Variants in GPC5 observed in about 807,000 individuals in gnomAD.
GPC5 encodes glypican-5.
Under a neutral mutation model 53.9 loss-of-function variants are expected in GPC5, and 47 were observed. The ratio of observed to expected loss-of-function variants is 0.87; its 90% confidence interval spans 0.69 to 1.11. The LOEUF (loss-of-function observed/expected upper bound fraction) is 1.11. Ranked by LOEUF, GPC5 falls within the 50% of genes most tolerant of loss-of-function variation. The probability of loss-of-function intolerance (pLI) is 0.00; values close to 1 mark genes in which losing one functional copy is unlikely to be tolerated. For missense variants in GPC5, 748 were observed against 713.1 expected (o/e 1.05, Z -0.56); for synonymous variants, 286 against 263.3 (o/e 1.09, Z -0.84).
At chr13:91,606,421 A>T (rs2033369200) in intron 2 of GPC5, among the ~76,000 whole-genome samples, 1 of 151,210 alleles carries the variant, frequency 6.6e-6, no homozygotes, top group Non-Finnish European at 1.5e-5. Context: ...ATTCTCTTTT[A>T]TTGTTGTGTC....
intron 7 of GPC5, among the ~76,000 whole-genome samples, chr13:92,581,364 T>C (rs1883362882): frequency 6.6e-6 from 1 of 152,200 alleles, no homozygotes; most frequent in South Asian, 2.1e-4. Flanking sequence ...TGCCATATCC[T>C]CCATATTTAT....
intron 7 of GPC5, among the ~76,000 whole-genome samples, chr13:92,391,323 G>C (rs1384282011): frequency 1.3e-5 from 2 of 152,104 alleles, no homozygotes; most frequent in African/African-American, 4.8e-5. Flanking sequence ...CCAGTAATGA[G>C]ATAGGATTGT....
intron 7 of GPC5, among the ~76,000 whole-genome samples, chr13:92,392,792 TA>T (rs1272369108): frequency 6.6e-6 from 1 of 151,860 alleles, no homozygotes; most frequent in African/African-American, 2.4e-5. Flanking sequence ...CAAGCATATA[TA>T]AAAAAAGCTC....
chr13:91,563,794 C>A (rs1408709196), intron 2 of GPC5, among the ~76,000 whole-genome samples: 2 of 152,152 alleles, frequency 1.3e-5, no homozygotes, highest in East Asian at 3.9e-4. Context: ...CCAATTCCTT[C>A]CTCAATGTTG....
chr13:91,898,704 T>C (rs1286227569), intron 5 of GPC5, among the ~76,000 whole-genome samples: 3 of 152,010 alleles, frequency 2.0e-5, no homozygotes, highest in Admixed American at 6.6e-5. Flanking sequence ...TATTAGGTTA[T>C]AGGCCTAAAG....
intron 5 of GPC5, among the ~76,000 whole-genome samples, chr13:91,832,763 A>C (rs902587618): frequency 1.7e-4 from 26 of 152,284 alleles, no homozygotes; most frequent in African/African-American, 6.3e-4. Flanking sequence ...GGAAATTTAT[A>C]GCACTAAATG....
intron 2 of GPC5, among the ~76,000 whole-genome samples, chr13:91,564,053 T>C (rs2031415483): frequency 6.6e-6 from 1 of 152,134 alleles, no homozygotes; most frequent in East Asian, 1.9e-4. Context: ...CTTGGCACCC[T>C]ATCTAGGAAT....
intron 7 of GPC5, among the ~76,000 whole-genome samples, chr13:92,816,114 A>G (rs1845462628): frequency 1.3e-5 from 2 of 152,076 alleles, no homozygotes; most frequent in African/African-American, 4.8e-5. Flanking sequence ...AGAGAAGGCC[A>G]AAGACTAGAT....
intron 2 of GPC5, among the ~76,000 whole-genome samples, chr13:91,477,029 C>T (rs61968028): frequency 0.053 from 8,011 of 152,166 alleles, 249 homozygotes; most frequent in Non-Finnish European, 0.077. Flanking sequence ...TGCAACATCA[C>T]TCCATCCTCC....
At chr13:92,206,175 T>A (rs1439610554) in intron 7 of GPC5, among the ~76,000 whole-genome samples, 4 of 148,014 alleles carry the variant, frequency 2.7e-5, no homozygotes, top group Admixed American at 1.3e-4. Context: ...TTATTTTTTT[T>A]TTTTTTTTGA....
rs371455024 is a variant in GPC5, at chr13:92,303,225, T to C, written c.1561+158236T>C. On this transcript the variant is annotated intron_variant, in intron 7 of 7. Transcript: ENST00000377067. ...CAACAGTGGTTGGGCTCAGGTTCAA[T>C]GATCCTTGCTCTCAAGAGAGGCAAA... 2.2e-4 allele frequency among the ~76,000 whole-genome samples: 33 copies of C among 152,214 alleles called. No individual in the cohort carries two copies. In the East Asian group the frequency reaches 6.2e-3, roughly 29 times the overall value.
intron 7 of GPC5, among the ~76,000 whole-genome samples, chr13:92,663,899 TATATAC>T (rs1339200965): frequency 5.6e-4 from 18 of 32,280 alleles, no homozygotes; most frequent in African/African-American, 1.4e-3. Flanking sequence ...TATATATATA[TATATAC>T]ACACACACAC....
At chr13:92,134,884 G>A (rs2041771155) in intron 6 of GPC5, among the ~76,000 whole-genome samples, 1 of 151,882 alleles carries the variant, frequency 6.6e-6, no homozygotes, top group Non-Finnish European at 1.5e-5. Flanking sequence ...AAATGAAAGT[G>A]GCATCAAGAA....
chr13:91,710,702 C>T (rs189863619), intron 3 of GPC5, among the ~76,000 whole-genome samples: 1 of 152,290 alleles, frequency 6.6e-6, no homozygotes, highest in African/African-American at 2.4e-5. Context: ...TGGGGCAGGA[C>T]TGAGGCTTCA....
intron 5 of GPC5, among the ~76,000 whole-genome samples, chr13:91,879,871 A>C (rs1459291019): frequency 1.3e-5 from 2 of 152,140 alleles, no homozygotes; most frequent in Non-Finnish European, 2.9e-5. Context: ...GAAGTGTAGA[A>C]TTCAGTTCCT....
At chr13:92,460,751 A>G in intron 7 of GPC5, among the ~76,000 whole-genome samples, 1 of 152,186 alleles carries the variant, frequency 6.6e-6, no homozygotes, top group East Asian at 1.9e-4. Context: ...ACAGGCCAGA[A>G]GAAGACTTAA....
At chr13:92,029,174 TA>T (rs1284903873) in intron 6 of GPC5, among the ~76,000 whole-genome samples, 3 of 152,080 alleles carry the variant, frequency 2.0e-5, no homozygotes, top group African/African-American at 7.2e-5. Flanking sequence ...GTAAAGTGGA[TA>T]AAACAAGTCA....
intron 7 of GPC5, among the ~76,000 whole-genome samples, chr13:92,481,021 C>T (rs919761583): frequency 1.3e-5 from 2 of 152,202 alleles, no homozygotes; most frequent in African/African-American, 4.8e-5. Context: ...TCCCCTAGAA[C>T]ATCCAGACAA....
chr13:91,836,439 A>G (rs953876574), intron 5 of GPC5, among the ~76,000 whole-genome samples: 1 of 152,124 alleles, frequency 6.6e-6, no homozygotes, highest in African/African-American at 2.4e-5. Context: ...CTCTGGCCAT[A>G]TAAGTAAAAA....
Sources: allele counts gnomAD v4.1 joint callset (sites outside exome capture counted in the v4.1 genomes callset), GRCh38; gene constraint gnomAD v4.1.1; transcripts MANE v1.5; gene names NCBI Gene and HGNC (gene_info 2026-07-23, HGNC 2026-07-21).